The following ERC1 variants were observed in gnomAD, a reference collection of about 807,000 sequenced individuals.
ERC1 encodes RAB6 interacting protein 2.
Under a neutral mutation model 132.0 loss-of-function variants are expected in ERC1, and 56 were observed. The ratio of observed to expected loss-of-function variants is 0.42; its 90% CI spans 0.34 to 0.53. ERC1 has a LOEUF of 0.53. Ranked by LOEUF, ERC1 falls within the 20% of genes least tolerant of loss-of-function variation. ERC1 has a pLI of 0.03. For missense variants in ERC1, 1,202 were observed against 1,349.9 expected (o/e 0.89, Z 1.72); for synonymous variants, 478 against 476.1 (o/e 1.00, Z -0.05).
intron 2 of ERC1, among the ~76,000 whole-genome samples, chr12:1,039,355 A>AT (rs1555211060): frequency 6.2e-3 from 914 of 147,366 alleles, no homozygotes; most frequent in African/African-American, 8.4e-3. Context: ...AAAAAAAATA[A>AT]AAATAAATAA....
At chr12:1,307,624 A>G (rs1056765351) in intron 15 of ERC1, among the ~76,000 whole-genome samples, 1 of 152,170 alleles carries the variant, frequency 6.6e-6, no homozygotes, top group African/African-American at 2.4e-5. Flanking sequence ...GCTTTAAACT[A>G]ATGCCCGAGC....
chr12:1,276,322 C>T (rs1337026905), intron 14 of ERC1, among the ~76,000 whole-genome samples: 1 of 151,522 alleles, frequency 6.6e-6, no homozygotes, highest in African/African-American at 2.4e-5. Context: ...CTGCAACCTC[C>T]GCCTCCCAGG....
At chr12:1,331,313 T>G (rs1160302474) in intron 15 of ERC1, among the ~76,000 whole-genome samples, 1 of 152,238 alleles carries the variant, frequency 6.6e-6, no homozygotes, top group Non-Finnish European at 1.5e-5. Flanking sequence ...GTTTTACTCA[T>G]GTTTTTACAT....
intron 17 of ERC1, among the ~76,000 whole-genome samples, chr12:1,413,322 G>A (rs950060908): frequency 6.6e-6 from 1 of 152,096 alleles, no homozygotes; most frequent in African/African-American, 2.4e-5. Flanking sequence ...GGCCAGACTC[G>A]GTGGCTCAAG....
chr12:1,060,961 C>T (rs535789742), intron 2 of ERC1, among the ~76,000 whole-genome samples: 24 of 152,148 alleles, frequency 1.6e-4, no homozygotes, highest in East Asian at 7.8e-4. Flanking sequence ...CTCCTGACCG[C>T]GTGATCCACC....
intron 16 of ERC1, among the ~76,000 whole-genome samples, chr12:1,385,138 G>C (rs983111847): frequency 1.3e-5 from 2 of 152,212 alleles, no homozygotes; most frequent in East Asian, 3.8e-4. Context: ...TCATTGGCCT[G>C]AAGCCAGTGA....
chr12:1,319,884 A>G (rs2081997795), intron 15 of ERC1, among the ~76,000 whole-genome samples: 2 of 152,156 alleles, frequency 1.3e-5, no homozygotes, highest in African/African-American at 2.4e-5. Context: ...GGAATAGCAT[A>G]TAGAATACTT....
At chr12:1,411,738 A>G (rs2091864570) in intron 17 of ERC1, among the ~76,000 whole-genome samples, 2 of 152,200 alleles carry the variant, frequency 1.3e-5, no homozygotes, top group South Asian at 4.1e-4. Context: ...TACCTTGTCT[A>G]TTTTGGCAGA....
At chr12:1,003,915 C>G (rs539720890) in intron 1 of ERC1, among the ~76,000 whole-genome samples, 3 of 152,288 alleles carry the variant, frequency 2.0e-5, no homozygotes, top group East Asian at 3.9e-4. Flanking sequence ...GATGAGGAGC[C>G]TATTCTAGGC....
chr12:1,223,802 G>C (rs1380496450), intron 12 of ERC1, among the ~76,000 whole-genome samples: 1 of 152,194 alleles, frequency 6.6e-6, no homozygotes, highest in East Asian at 1.9e-4. Flanking sequence ...TCCTCTTCCT[G>C]CTTGAAGAAT....
intron 17 of ERC1, among the ~76,000 whole-genome samples, chr12:1,433,401 G>T (rs1213473508): frequency 2.6e-5 from 4 of 152,190 alleles, no homozygotes; most frequent in African/African-American, 9.7e-5. Context: ...GTGTTAACCT[G>T]ATGCTTTCTT....
At position 1,197,073 on chromosome 12, in the gene ERC1, C is replaced by T. The variant is rs182811284; in HGVS notation, c.2351+7021C>T. Among the ~76,000 whole-genome samples the T allele has an allele frequency of 2.5e-3, 370 of 150,584 alleles. 1 individual carries two copies. The highest frequency in any genetic ancestry group is 8.3e-3 in the African/African-American group (338 of 40,936). On this transcript the variant is annotated intron_variant, in intron 12 of 18. Coordinates refer to ENST00000360905, the MANE Select transcript of ERC1 (RefSeq NM_178040.4). ...TCAGCTCACTGCAACCTCCACCTCC[C>T]GGGCTCAAGCGATTCTTGTGCGTCA...
rs536333295 is a variant in ERC1, at chr12:1,064,565, T to C, written c.670-18599T>C. Among the ~76,000 whole-genome samples the C allele has an allele frequency of 9.9e-5, 15 of 152,232 alleles. No homozygotes were observed. The South Asian group carries it at 2.7e-3, about 27-fold the overall frequency. On this transcript the variant is annotated intron_variant, in intron 2 of 18. Transcript: ENST00000360905. ...AGATTGGCCATCCCTGGCTACTTTT[T>C]ACATTTTTTGTATAGATAGGGTCTT...
chr12:1,016,387 C>A (rs1450016824), intron 1 of ERC1, among the ~76,000 whole-genome samples: 3 of 152,122 alleles, frequency 2.0e-5, no homozygotes. Context: ...AGACTCAGTT[C>A]ATAAAGAGCT....
chr12:1,340,613 G>C (rs74057143), intron 15 of ERC1, among the ~76,000 whole-genome samples: 2,649 of 152,186 alleles, frequency 0.017, 81 homozygotes, highest in African/African-American at 0.061. Context: ...GCCCGGTGCA[G>C]CGTTCCCAGC....
chr12:1,264,026 C>T lies in ERC1; in HGVS notation c.2619+861C>T, dbSNP rs141148791. 7.9e-5 allele frequency among the ~76,000 whole-genome samples: 12 copies of T among 151,834 alleles called. No individual in the cohort carries two copies. The East Asian group carries it at 2.1e-3, about 27-fold the overall frequency. ...GATACAAACATTTCTGACTGAAAAACGTTAATTTCAAATAGCTAATATTTT... is the reference window on the plus strand; with the variant it reads ...GATACAAACATTTCTGACTGAAAAATGTTAATTTCAAATAGCTAATATTTT... On this transcript the variant is annotated intron_variant, in intron 14 of 18. Coordinates refer to ENST00000360905, the MANE Select transcript of ERC1 (RefSeq NM_178040.4).
At chr12:1,193,741 C>T (rs920025338) in intron 12 of ERC1, among the ~76,000 whole-genome samples, 9 of 152,150 alleles carry the variant, frequency 5.9e-5, no homozygotes, top group African/African-American at 2.2e-4. Flanking sequence ...TGGGAAACCT[C>T]AGCCCTGTTT....
At chr12:1,129,933 G>T (rs181084318) in intron 7 of ERC1, among the ~76,000 whole-genome samples, 3 of 152,064 alleles carry the variant, frequency 2.0e-5, no homozygotes, top group African/African-American at 4.8e-5. Flanking sequence ...TAATAGTGCC[G>T]TTACAGCCAA....
chr12:1,410,658 T>C (rs1223370855), intron 17 of ERC1, among the ~76,000 whole-genome samples: 2 of 150,274 alleles, frequency 1.3e-5, no homozygotes, highest in Non-Finnish European at 3.0e-5. Flanking sequence ...TTTTTTTTTT[T>C]CTCGTTGTGT....
Sources: gnomAD v4.1 joint callset for allele counts (sites outside exome capture counted in the v4.1 genomes callset) on GRCh38, gnomAD v4.1.1 for gene constraint, MANE v1.5 for transcripts, NCBI Gene and HGNC (gene_info 2026-07-23, HGNC 2026-07-21) for gene names.